Variants in CDH13 observed in about 807,000 individuals in gnomAD.
The protein encoded by CDH13 is cadherin-13.
Under a neutral mutation model 63.8 loss-of-function variants are expected in CDH13, and 24 were observed. That is an observed-to-expected ratio of 0.38 (90% CI 0.27 to 0.53). The LOEUF is 0.53. CDH13 is among the 20% of genes least tolerant of loss of function. The pLI is 0.85. For missense variants in CDH13, 1,049 were observed against 903.1 expected (o/e 1.16, Z -2.07); for synonymous variants, 503 against 355.3 (o/e 1.42, Z -4.67).
intron 2 of CDH13, among the ~76,000 whole-genome samples, chr16:82,968,107 A>G (rs1908130524): frequency 1.3e-5 from 2 of 152,196 alleles, no homozygotes; most frequent in South Asian, 4.1e-4. Flanking sequence ...ATTTATTTCC[A>G]ATTTTAAAAG....
intron 10 of CDH13, among the ~76,000 whole-genome samples, chr16:83,732,999 C>A (rs962401626): frequency 7.9e-5 from 12 of 152,206 alleles, no homozygotes; most frequent in African/African-American, 2.9e-4. Flanking sequence ...GAGCTCGCTA[C>A]CTTGTGTGAA....
chr16:83,664,136 A>G (rs1913709573), intron 8 of CDH13, among the ~76,000 whole-genome samples: 1 of 152,170 alleles, frequency 6.6e-6, no homozygotes, highest in African/African-American at 2.4e-5. Context: ...CAGTCTAGGC[A>G]ACAGAGCAAG....
chr16:83,269,354 T>C (rs2088725982), intron 5 of CDH13, among the ~76,000 whole-genome samples: 1 of 152,236 alleles, frequency 6.6e-6, no homozygotes, highest in East Asian at 1.9e-4. Flanking sequence ...ATGCAATGCA[T>C]TACTGCTGTA....
intron 1 of CDH13, among the ~76,000 whole-genome samples, chr16:82,737,461 C>T (rs964614273): frequency 1.4e-4 from 22 of 152,228 alleles, no homozygotes; most frequent in Non-Finnish European, 1.5e-4. Flanking sequence ...GAAATATAAT[C>T]CTTGAAACGT....
chr16:83,056,079 A>G (rs900589010), intron 3 of CDH13, among the ~76,000 whole-genome samples: 3 of 152,250 alleles, frequency 2.0e-5, no homozygotes, highest in Non-Finnish European at 2.9e-5. Flanking sequence ...GGATATCTAC[A>G]TGACCACTAA....
At chr16:82,799,115 C>A (rs2036728253) in intron 1 of CDH13, among the ~76,000 whole-genome samples, 1 of 152,118 alleles carries the variant, frequency 6.6e-6, no homozygotes, top group Admixed American at 6.6e-5. Flanking sequence ...CTGGAGAAGT[C>A]AATTATATAT....
chr16:83,467,244 T>G (rs1199101167), intron 6 of CDH13, among the ~76,000 whole-genome samples: 3 of 152,232 alleles, frequency 2.0e-5, no homozygotes, highest in Non-Finnish European at 4.4e-5. Context: ...ACATTTTTCT[T>G]TCTTTAAAGA....
intron 10 of CDH13, among the ~76,000 whole-genome samples, chr16:83,699,201 T>C (rs1049985809): frequency 6.6e-6 from 1 of 152,232 alleles, no homozygotes; most frequent in Middle Eastern, 3.2e-3. Flanking sequence ...AAAGGTGACC[T>C]AAGCCCCAGT....
intron 4 of CDH13, among the ~76,000 whole-genome samples, chr16:83,178,767 G>A (rs2038229109): frequency 6.6e-6 from 1 of 151,924 alleles, no homozygotes; most frequent in Non-Finnish European, 1.5e-5. Flanking sequence ...AGTCATTGAG[G>A]CTTTGTTTTT....
At chr16:83,326,706 A>G (rs1191183808) in intron 5 of CDH13, among the ~76,000 whole-genome samples, 2 of 152,176 alleles carry the variant, frequency 1.3e-5, no homozygotes, top group Admixed American at 1.3e-4. Flanking sequence ...AAGGGATGTT[A>G]TGAGCAAAGG....
chr16:83,399,073 G>C (rs1388325717), intron 6 of CDH13, among the ~76,000 whole-genome samples: 2 of 152,172 alleles, frequency 1.3e-5, no homozygotes, highest in Non-Finnish European at 2.9e-5. Context: ...AGGATACAAA[G>C]ACCATCAGAC....
At chr16:82,774,434 T>G (rs1300141798) in intron 1 of CDH13, among the ~76,000 whole-genome samples, 1 of 152,160 alleles carries the variant, frequency 6.6e-6, no homozygotes, top group Non-Finnish European at 1.5e-5. Context: ...TCTGTATGTA[T>G]GAAGCCCATA....
intron 6 of CDH13, among the ~76,000 whole-genome samples, chr16:83,428,609 T>G (rs2071990036): frequency 6.6e-6 from 1 of 152,226 alleles, no homozygotes; most frequent in Non-Finnish European, 1.5e-5. Flanking sequence ...ACTTTGGTGC[T>G]TGGCATGTAG....
At chr16:83,094,480 T>C (rs565860351) in intron 3 of CDH13, among the ~76,000 whole-genome samples, 63 of 152,296 alleles carry the variant, frequency 4.1e-4, no homozygotes, top group African/African-American at 1.4e-3. Flanking sequence ...GTGTTGTCCT[T>C]ACTCAGGACA....
chr16:83,710,362 C>T (rs1490428469), intron 10 of CDH13: 1 of 152,228 alleles, frequency 6.6e-6, no homozygotes, highest in African/African-American at 2.4e-5. Flanking sequence ...GAGGCTTTCC[C>T]TGACTGCAAG....
intron 1 of CDH13, among the ~76,000 whole-genome samples, chr16:82,786,635 C>T (rs942110875): frequency 5.3e-5 from 8 of 150,380 alleles, no homozygotes; most frequent in Non-Finnish European, 4.4e-5. Context: ...AGGTATATCT[C>T]CTAATGCTAT....
chr16:82,788,721 C>A (rs148943942), intron 1 of CDH13, among the ~76,000 whole-genome samples: 1 of 152,170 alleles, frequency 6.6e-6, no homozygotes, highest in African/African-American at 2.4e-5. Context: ...TCCTCTCCTG[C>A]CAGGATCTTT....
chr16:83,476,799 A>G (rs1369044392), intron 6 of CDH13, among the ~76,000 whole-genome samples: 1 of 152,244 alleles, frequency 6.6e-6, no homozygotes, highest in Non-Finnish European at 1.5e-5. Context: ...ATTCAATATA[A>G]AGAGTATTTT....
intron 1 of CDH13, among the ~76,000 whole-genome samples, chr16:82,849,379 G>A (rs1367601557): frequency 6.6e-6 from 1 of 152,288 alleles, no homozygotes; most frequent in Admixed American, 6.5e-5. Context: ...GCACGTACCT[G>A]TAATACCAGC....
Sources: allele counts gnomAD v4.1 joint callset (sites outside exome capture counted in the v4.1 genomes callset), GRCh38; gene constraint gnomAD v4.1.1; transcripts MANE v1.5; gene names NCBI Gene and HGNC (gene_info 2026-07-23, HGNC 2026-07-21).